ABCB8: variants seen among roughly 807,000 people sequenced by gnomAD.
ABCB8 encodes mitochondrial potassium channel ATP-binding subunit.
A neutral mutation model predicts 73.0 loss-of-function variants in ABCB8; 52 were observed. That is an observed-to-expected ratio of 0.71 (90% confidence interval 0.57 to 0.90). The LOEUF is 0.90. Ranked by LOEUF, ABCB8 falls within the 40% of genes least tolerant of loss-of-function variation. The probability of loss-of-function intolerance (pLI) is 0.00; values close to 1 mark genes in which losing one functional copy is unlikely to be tolerated. For missense variants in ABCB8, 909 were observed against 974.6 expected, an observed-to-expected ratio of 0.93 and a Z score of 0.90; for synonymous variants, 428 against 423.5, an observed-to-expected ratio of 1.01 and a Z score of -0.13.
chr7:151,044,088 A>T lies in ABCB8; in HGVS notation c.1883A>T (p.Glu628Val), dbSNP rs1796548939. 2 of 1,613,828 alleles carry T rather than the reference A, an allele frequency of 1.2e-6. No homozygotes were observed. The highest frequency in any genetic ancestry group is 1.7e-6 in the Non-Finnish European group (2 of 1,179,976). The change falls in exon 15 of 16, where the codon GAG becomes GTG. Residue 628 changes from glutamate to valine, a missense_variant. Physicochemically the swap from Glu to Val is moderately radical, Grantham distance 121 (BLOSUM62 -2). Transcript: ENST00000358849. ...GAAGCTACCAGCGCGCTGGATGCAG[A>T]GTCCGAGCGGGTTGTACAGGAGGCC... Reference protein sequence around the residue: ...LDEATSALDAESERVVQEALD... With the variant: ...LDEATSALDAVSERVVQEALD...
rs1271704729 is a variant in ABCB8 at position 151,045,602 on chromosome 7, GAC to G, written c.*255_*256del. 4.8e-5 allele frequency: 21 copies of G among 439,028 alleles called. No individual in the cohort carries two copies. In the South Asian group the frequency reaches 5.7e-4, roughly 12 times the overall value. 27.2% of individuals were successfully genotyped at this position (439,028 alleles called of 1,614,324 possible). A position where few individuals can be genotyped will look rare whatever the true frequency, so the allele number is the denominator to read the frequency against. On this transcript the variant is annotated 3_prime_UTR_variant, in exon 16 of 16. Coordinates refer to ENST00000358849, the MANE Select transcript of ABCB8 (RefSeq NM_007188.5). ...GAGTCATTGGGCTGCAATGGGCAGAGACAGAGTTCCACGAGACACCTCCACTC... is the reference window on the plus strand; with the variant it reads ...GAGTCATTGGGCTGCAATGGGCAGAGAGAGTTCCACGAGACACCTCCACTC...
At chr7:151,030,505 C>T (rs1360605504) in intron 1 of ABCB8, among the ~76,000 whole-genome samples, 2 of 84,548 alleles carry the variant, frequency 2.4e-5, no homozygotes, top group African/African-American at 1.1e-4. Flanking sequence ...AGCAAGACTC[C>T]GTCTCAAATA....
In ABCB8 at chr7:151,045,381, G is replaced by A; in HGVS notation, c.*32G>A. The A allele has an allele frequency of 6.7e-7, 1 of 1,495,562 alleles. No individual in the cohort carries two copies. Among genetic ancestry groups the A allele is most frequent in the Admixed American group, 2.3e-5 (1 of 44,386 alleles). The allele number at this position is 1,495,562 out of a possible 1,614,324, so 92.6% of individuals were successfully genotyped here. A position where few individuals can be genotyped will look rare whatever the true frequency, so the allele number is the denominator to read the frequency against. On this transcript the variant is annotated 3_prime_UTR_variant, in exon 16 of 16. Transcript: ENST00000358849. ...CCCCCTGAGGTGTGGTCGCTGCCAA[G>A]CATCAGTGTTAGGGCTGGGGCTCAG...
intron 1 of ABCB8, chr7:151,031,135 C>T (rs896334499): frequency 2.7e-6 from 2 of 730,680 alleles, no homozygotes; most frequent in African/African-American, 3.5e-5. Context: ...TCCTGCACCT[C>T]TAATGAGGGC....
Position 151,035,977 on chromosome 7 carries a change from G to A in ABCB8, c.1013+10G>A, listed in dbSNP as rs773892521. On this transcript the variant is annotated intron_variant, in intron 7 of 15. Coordinates refer to ENST00000358849, the MANE Select transcript of ABCB8 (RefSeq NM_007188.5). ...AGCAACGGGAAGAGGAGTGAGTCCT[G>A]GGAGGGCGGAGCACAAAGCAGAGAT... 2 of 1,613,776 alleles carry A rather than the reference G, an allele frequency of 1.2e-6. No individual in the cohort carries two copies. Among genetic ancestry groups the A allele is most frequent in the Non-Finnish European group, 8.5e-7 (1 of 1,180,020 alleles).
chr7:151,033,500 G>A (rs991416347), intron 1 of ABCB8, 105 bp from the exon 2 acceptor site: 22 of 1,483,364 alleles, frequency 1.5e-5, no homozygotes, highest in Non-Finnish European at 2.0e-5. Flanking sequence ...CCTGACAGAA[G>A]AGGAAGTGCT....
chr7:151,039,658 G>A (rs552508023), intron 9 of ABCB8: 1 of 152,392 alleles, frequency 6.6e-6, no homozygotes, highest in African/African-American at 2.4e-5. Flanking sequence ...AGGGAATTTT[G>A]TTTTGGGGTC....
Position 151,045,360 on chromosome 7 carries a change from C to CT in ABCB8, c.*12dup. On this transcript the variant is annotated 3_prime_UTR_variant, in exon 16 of 16. Transcript: ENST00000358849. Reference sequence around the variant, plus strand: ...CAGCACAAGTCCTGAGAAGGGCCCCCTGAGGTGTGGTCGCTGCCAAGCATC... The same window carrying CT: ...CAGCACAAGTCCTGAGAAGGGCCCCCTTGAGGTGTGGTCGCTGCCAAGCATC... The CT allele has an allele frequency of 6.5e-7, 1 of 1,527,272 alleles. No individual in the cohort carries two copies. The highest frequency in any genetic ancestry group is 8.8e-7 in the Non-Finnish European group (1 of 1,134,724). 94.6% of individuals were successfully genotyped at this position (1,527,272 alleles called of 1,614,324 possible).
chr7:151,033,057 G>C (rs1020968677), intron 1 of ABCB8: 1 of 456,610 alleles, frequency 2.2e-6, no homozygotes, highest in Non-Finnish European at 4.4e-6. Context: ...TTTTTCATCT[G>C]TCAGGTGAGA....
At chr7:151,034,175 G>C in intron 2 of ABCB8, 98 bp from the exon 3 acceptor site, 5 of 1,384,458 alleles carry the variant, frequency 3.6e-6, no homozygotes, top group Non-Finnish European at 4.0e-6. Flanking sequence ...CAAGCGCAGT[G>C]CTCAGTAGTG....
Position 151,034,355 on chromosome 7 carries a change from G to A in ABCB8, c.491G>A (p.Arg164Lys). Residue 164 changes from arginine to lysine, a missense_variant, in exon 3 of 16, where the codon AGG (arginine) becomes AAG (lysine). By Grantham distance (26) the Arg-to-Lys change is conservative. Coordinates refer to ENST00000358849, the MANE Select transcript of ABCB8 (RefSeq NM_007188.5). ...QLVEVVAKYT[R>K]DHVGSFMTES... ...GTAGAGGTCGTGGCCAAGTACACAA[G>A]GGACCACGTAGGGAGTTTCATGACT... 6.2e-7 allele frequency: 1 copy of A among 1,613,920 alleles called. No homozygotes were observed. The highest frequency in any genetic ancestry group is 1.3e-5 in the African/African-American group (1 of 75,044).
chr7:151,036,278 G>T (rs1563293316), intron 8 of ABCB8, 108 bp downstream of exon 8: 2 of 1,160,518 alleles, frequency 1.7e-6, no homozygotes, highest in Non-Finnish European at 1.2e-6. Flanking sequence ...GCCTGCATTC[G>T]CCTCGGGCCA....
At position 151,033,600 on chromosome 7, in the gene ABCB8, T is replaced by TA; in HGVS notation, c.96-4dup. 1 of 1,559,752 alleles carries TA rather than the reference T, an allele frequency of 6.4e-7. No homozygotes were observed. The highest frequency in any genetic ancestry group is 1.8e-5 in the Admixed American group (1 of 54,798). ...CAAGCCATCCATGCCTCTCTCTCCT[T>TA]ACAGGTACTCTGATGGCTACCGCAG... is the stretch of plus-strand genomic sequence containing the variant. On this transcript the variant is annotated splice_region_variant and splice_polypyrimidine_tract_variant and intron_variant, in intron 1 of 15. Transcript: ENST00000358849.
intron 9 of ABCB8, chr7:151,037,345 A>C (rs939974994): frequency 1.4e-6 from 1 of 701,944 alleles, no homozygotes. Context: ...GCCCTTCCCC[A>C]TGCCTGCCAC....
In ABCB8 at chr7:151,040,564, C is replaced by T; in HGVS notation, c.1318C>T (p.Leu440=). ...EYMALNPCIP[L]SGGCCVPKEQ... Reference sequence around the variant, plus strand: ...CATGGCCCTGAACCCCTGCATCCCACTGTCTGGGGGCTGCTGCGTCCCCAA... The same window carrying T: ...CATGGCCCTGAACCCCTGCATCCCATTGTCTGGGGGCTGCTGCGTCCCCAA... The change falls in exon 11 of 16, where the codon CTG becomes TTG. Residue 440 remains leucine, a synonymous_variant. Transcript: ENST00000358849. The T allele has an allele frequency of 1.1e-5, 17 of 1,613,476 alleles. No individual in the cohort carries two copies. Among genetic ancestry groups the T allele is most frequent in the Non-Finnish European group, 1.4e-5 (17 of 1,179,954 alleles).
rs1796252123 is a variant in ABCB8, at chr7:151,034,557, T to G, written c.617T>G (p.Met206Arg). Residue 206 changes from methionine to arginine, a missense_variant, in exon 4 of 16, where the codon ATG (methionine) becomes AGG (arginine). Transcript: ENST00000358849. ...LVLLSHVGER[M>R]AVDMRRALFS... ...CTGCTGTCCCACGTTGGCGAGCGCA[T>G]GGCTGTGGACATGCGGAGGGCCCTC... 1 of 1,613,654 alleles carries G rather than the reference T, an allele frequency of 6.2e-7. No homozygotes were observed. Among genetic ancestry groups the G allele is most frequent in the Non-Finnish European group, 8.5e-7 (1 of 1,179,992 alleles).
rs760030955 is a variant in ABCB8 at position 151,034,612 on chromosome 7, G to A, written c.659+13G>A. The A allele has an allele frequency of 5.0e-6, 8 of 1,613,804 alleles. No individual in the cohort carries two copies. Among genetic ancestry groups the A allele is most frequent in the South Asian group, 1.1e-5 (1 of 91,084 alleles). The stretch of plus-strand genomic sequence containing the variant: ...GCTCCCTGCTCCGGTACTGCCAGCC[G>A]CAGGGTGCAGAGTTGGGGTGACTGA... On this transcript the variant is annotated intron_variant, in intron 4 of 15. Coordinates refer to ENST00000358849, the MANE Select transcript of ABCB8 (RefSeq NM_007188.5).
rs775849676 is a variant in ABCB8 at position 151,036,160 on chromosome 7, C to G, written c.1101C>G (p.Ile367Met). Residue 367 changes from isoleucine to methionine, a missense_variant, in exon 8 of 16, where the codon ATC (isoleucine) becomes ATG (methionine). Coordinates refer to ENST00000358849, the MANE Select transcript of ABCB8 (RefSeq NM_007188.5). The stretch of plus-strand genomic sequence containing the variant: ...CCTTGTTCCAAGGGCTTTCCAACAT[C>G]GCCTTCAACTGTGAGTGAGCCATTT... ...GIALFQGLSN[I>M]AFNCMVLGTL... 6.2e-7 allele frequency: 1 copy of G among 1,607,968 alleles called. No individual in the cohort carries two copies. Among genetic ancestry groups the G allele is most frequent in the Non-Finnish European group, 8.5e-7 (1 of 1,175,750 alleles).
chr7:151,036,702 C>A, intron 9 of ABCB8, 53 bp downstream of exon 9: 1 of 1,475,146 alleles, frequency 6.8e-7, no homozygotes, highest in Middle Eastern at 1.9e-4. Flanking sequence ...CCTCCAGAGC[C>A]CTGCTGGGTT....
Sources: gnomAD v4.1 joint callset for allele counts (sites outside exome capture counted in the v4.1 genomes callset) on GRCh38, gnomAD v4.1.1 for gene constraint, MANE v1.5 for transcripts, NCBI Gene and HGNC (gene_info 2026-07-23, HGNC 2026-07-21) for gene names.